Variants in ZAN observed in about 807,000 individuals in gnomAD.
ZAN encodes the protein zonadhesin (gene/pseudogene).
Under a neutral mutation model 286.2 loss-of-function variants are expected in ZAN, and 260 were observed. That is an observed-to-expected ratio of 0.91 (90% CI 0.82 to 1.01). The LOEUF (loss-of-function observed/expected upper bound fraction) is 1.01, where lower values mean the gene tolerates loss of function less well. Among genes scored for constraint, ZAN ranks in the 50% least tolerant of loss-of-function variants. ZAN has a pLI of 0.00. For synonymous variants in ZAN, 1,368 were observed against 1,417.5 expected (o/e 0.97, Z 0.79); for missense variants, 3,410 against 3,639.2 (o/e 0.94, Z 1.62).
At chr7:100,774,647 G>T (rs1381918149) in intron 31 of ZAN, among the ~76,000 whole-genome samples, 1 of 152,064 alleles carries the variant, frequency 6.6e-6, no homozygotes, top group Non-Finnish European at 1.5e-5. Flanking sequence ...AACAGAACAA[G>T]ACCCTGTCTC....
intron 17 of ZAN, among the ~76,000 whole-genome samples, chr7:100,758,921 G>GA (rs3215396): frequency 1.4e-3 from 204 of 149,258 alleles, no homozygotes; most frequent in African/African-American, 4.2e-3. Context: ...TCATCTCCAT[G>GA]AAAAAAAAAA....
At chr7:100,788,767 A>T (rs314334) in intron 38 of ZAN, among the ~76,000 whole-genome samples, 2 of 151,750 alleles carry the variant, frequency 1.3e-5, no homozygotes, top group African/African-American at 2.4e-5. Flanking sequence ...GGCACCATCT[A>T]GGCTCACTGC....
At position 100,784,621 on chromosome 7, in the gene ZAN, A is replaced by C. The variant is rs1339011498; in HGVS notation, c.6623-2A>C. ...CTGACCCACTGTCTCCTTCACCCAC[A>C]GCTCTGGAATGCCCTGCCTACAGCA... On this transcript the variant is annotated splice_acceptor_variant, in intron 35 of 47. Transcript: ENST00000613979. LOFTEE classifies it high-confidence loss of function. 6.2e-7 allele frequency: 1 copy of C among 1,613,378 alleles called. No individual in the cohort carries two copies. The highest frequency in any genetic ancestry group is 1.7e-5 in the Admixed American group (1 of 59,966).
chr7:100,770,390 GC>G (rs1046651266), intron 28 of ZAN, among the ~76,000 whole-genome samples: 15 of 150,700 alleles, frequency 1.0e-4, no homozygotes, highest in Non-Finnish European at 2.2e-4. Context: ...TGTAGTCCCA[GC>G]TACTTGGGAG....
rs1562931211 is a variant in ZAN at position 100,758,648 on chromosome 7, C to T, written c.3569C>T (p.Thr1190Ile). 1 of 1,553,214 alleles carries T rather than the reference C, an allele frequency of 6.4e-7. No individual in the cohort carries two copies. Among genetic ancestry groups the T allele is most frequent in the South Asian group, 1.2e-5 (1 of 84,124 alleles). The change falls in exon 17 of 48, where the codon ACA becomes ATA. Residue 1190 changes from threonine (T) to isoleucine (I), a missense_variant and splice_region_variant. By Grantham distance (89) the Thr-to-Ile change is moderately conservative (BLOSUM62 -1). Transcript: ENST00000613979. Reference sequence around the variant, plus strand: ...TTGGCCCAGCCCTGTGGCAACTCAACAGGTAGGCCCTGGAGATGCCACTGC... The same window carrying T: ...TTGGCCCAGCCCTGTGGCAACTCAATAGGTAGGCCCTGGAGATGCCACTGC... ...YILAQPCGNSTDPFFRVTAKN... is the reference protein window; with the variant it reads ...YILAQPCGNSIDPFFRVTAKN...
chr7:100,746,452 A>C, intron 7 of ZAN, 86 bp from the exon 8 acceptor site: 1 of 1,502,926 alleles, frequency 6.7e-7, no homozygotes, highest in South Asian at 1.3e-5. Context: ...CCCAGAGACA[A>C]GTCCACAGCC....
intron 29 of ZAN, among the ~76,000 whole-genome samples, 189 bp downstream of exon 29, chr7:100,772,209 A>G (rs1327385405): frequency 1.3e-5 from 2 of 150,918 alleles, no homozygotes; most frequent in African/African-American, 4.9e-5. Context: ...AGATGGGTGA[A>G]TCACCTGAGG....
Position 100,773,435 on chromosome 7 carries a change from C to G in ZAN, c.5576C>G (p.Thr1859Ser). Residue 1859 changes from threonine (T) to serine (S), a missense_variant, in exon 30 of 48, where the codon ACC (threonine) becomes AGC (serine). Physicochemically the swap from Thr to Ser is moderately conservative, Grantham distance 58. Transcript: ENST00000613979. Reference sequence around the variant, plus strand: ...CAGAAAGGCCACATCTTGAGTGGAACCTCCTGCGTGCCCCTTGGCCAGTGT... The same window carrying G: ...CAGAAAGGCCACATCTTGAGTGGAAGCTCCTGCGTGCCCCTTGGCCAGTGT... ...ECQKGHILSG[T>S]SCVPLGQCGC... The G allele has an allele frequency of 6.2e-7, 1 of 1,614,018 alleles. No individual in the cohort carries two copies. Among genetic ancestry groups the G allele is most frequent in the Non-Finnish European group, 8.5e-7 (1 of 1,179,908 alleles).
chr7:100,785,723 A>T (rs1811519194), intron 36 of ZAN, among the ~76,000 whole-genome samples: 1 of 148,666 alleles, frequency 6.7e-6, no homozygotes, highest in Non-Finnish European at 1.5e-5. Flanking sequence ...CAGTGGTGCG[A>T]TCTTGGCTCA....
At position 100,750,788 on chromosome 7, in the gene ZAN, T is replaced by C. The variant is rs1048704587; in HGVS notation, c.1413T>C (p.Ser471=). The C allele has an allele frequency of 6.8e-6, 11 of 1,611,274 alleles. No individual in the cohort carries two copies. The highest frequency in any genetic ancestry group is 9.3e-6 in the Non-Finnish European group (11 of 1,178,194). ...CTATGCTCGAACTCCTCCTGGGAAGTCCTGCGGGGAGTCCCCCGATTCCTC... is the reference window on the plus strand; with the variant it reads ...CTATGCTCGAACTCCTCCTGGGAAGCCCTGCGGGGAGTCCCCCGATTCCTC... ...EGTMLELLLG[S]PAGSPPIPLW... is the part of the protein sequence containing the mutation. The change falls in exon 12 of 48, where the codon AGT becomes AGC. Residue 471 remains serine, a synonymous_variant. Transcript: ENST00000613979.
At chr7:100,775,151 A>G (rs1160978069) in intron 31 of ZAN, among the ~76,000 whole-genome samples, 177 bp from the exon 32 acceptor site, 1 of 152,066 alleles carries the variant, frequency 6.6e-6, no homozygotes, top group Non-Finnish European at 1.5e-5. Context: ...GCTGGTATCA[A>G]ACCAGCCCAC....
At chr7:100,779,072 G>A (rs1347422256) in intron 34 of ZAN, among the ~76,000 whole-genome samples, 2 of 151,790 alleles carry the variant, frequency 1.3e-5, no homozygotes, top group African/African-American at 4.8e-5. Context: ...GCATGGTGCC[G>A]GGTGGCTGTA....
chr7:100,753,213 C>G lies in ZAN; in HGVS notation c.3108C>G (p.Thr1036=). ...GTGTGATTCTGGGCACTACCACAACCTCCAGATCCAGTACAGGTATGAGGT... is the reference window on the plus strand; with the variant it reads ...GTGTGATTCTGGGCACTACCACAACGTCCAGATCCAGTACAGGTATGAGGT... ...MTSVILGTTT[T]SRSSTERCPP... The change falls in exon 14 of 48, where the codon ACC becomes ACG. Residue 1036 remains threonine, a synonymous_variant. Coordinates refer to ENST00000613979, the MANE Select transcript of ZAN (RefSeq NM_003386.3). The G allele has an allele frequency of 6.3e-7, 1 of 1,599,836 alleles. No individual in the cohort carries two copies. Among genetic ancestry groups the G allele is most frequent in the Non-Finnish European group, 8.5e-7 (1 of 1,172,618 alleles).
chr7:100,794,407 G>C, intron 44 of ZAN, 149 bp downstream of exon 44: 1 of 1,332,050 alleles, frequency 7.5e-7, no homozygotes, highest in Non-Finnish European at 1.0e-6. Context: ...AAAGGACAAA[G>C]ATCTCCCGAT....
At chr7:100,739,521 A>C (rs1807593475) in intron 7 of ZAN, among the ~76,000 whole-genome samples, 1 of 135,652 alleles carries the variant, frequency 7.4e-6, no homozygotes. Flanking sequence ...AGCCAAGTGC[A>C]CTGGCTCACG....
rs1295511913 is a variant in ZAN at position 100,792,081 on chromosome 7, G to T, written c.7645G>T (p.Val2549Leu). The part of the protein sequence containing the change: ...LASNSTQACR[V>L]LADPQGPFAA... ...GAGCAACAGCACCCAGGCCTGTAGG[G>T]TGCTGGCAGACCCCCAGGGCCCCTT... The change falls in exon 41 of 48, where the codon GTG becomes TTG. Residue 2549 changes from valine (V) to leucine (L), a missense_variant. This residue lies in a region of ZAN where 1,289 missense variants were observed against 1,314.3 expected (regional missense o/e 0.98). Transcript: ENST00000613979. 1 of 1,613,004 alleles carries T rather than the reference G, an allele frequency of 6.2e-7. No homozygotes were observed. Among genetic ancestry groups the T allele is most frequent in the Non-Finnish European group, 8.5e-7 (1 of 1,179,796 alleles).
At chr7:100,740,973 C>CA (rs1314409520) in intron 7 of ZAN, among the ~76,000 whole-genome samples, 2 of 9,762 alleles carry the variant, frequency 2.0e-4, no homozygotes, top group Non-Finnish European at 1.4e-4. Context: ...GCTGGCCGGT[C>CA]GGGGGGCTGA....
chr7:100,738,573 G>C lies in ZAN; in HGVS notation c.726G>C (p.Lys242Asn). 6.6e-7 allele frequency: 1 copy of C among 1,517,632 alleles called. No homozygotes were observed. The highest frequency in any genetic ancestry group is 9.0e-7 in the Non-Finnish European group (1 of 1,105,016). The allele number at this position is 1,517,632 out of a possible 1,614,324, so 94.0% of individuals were successfully genotyped here. Residue 242 changes from lysine (K) to asparagine (N), a missense_variant, in exon 7 of 48, where the codon AAG becomes AAC. Around this residue, in one of 7 missense-constraint regions of ZAN, gnomAD observed 872 missense variants for 938.9 expected, o/e 0.93. Transcript: ENST00000613979. ...KWTQKKGSSG[K>N]PGVGPDGDFS... ...CTCAGAAGAAAGGGTCATCAGGAAA[G>C]CCAGGCGTGGGGCCTGATGGCGACT... is the stretch of plus-strand genomic sequence containing the variant.
rs758693358 is a variant in ZAN at position 100,773,352 on chromosome 7, C to T, written c.5493C>T (p.Ser1831=). ...GCCCCTGCCCAGACACCTGCAGCAG[C>T]ATAAACAACCCGAGGGACTGCCCCA... ...CSSPCPDTCS[S]INNPRDCPKA... Residue 1831 remains serine, a synonymous_variant, in exon 30 of 48, where the codon AGC becomes AGT. Transcript: ENST00000613979. 39 of 1,613,872 alleles carry T rather than the reference C, an allele frequency of 2.4e-5. No individual in the cohort carries two copies. The highest frequency in any genetic ancestry group is 3.1e-5 in the Non-Finnish European group (37 of 1,179,902).
Sources: gnomAD v4.1 joint callset for allele counts (sites outside exome capture counted in the v4.1 genomes callset) on GRCh38, gnomAD v4.1.1 for gene constraint, gnomAD v4.1.1 regional missense constraint, MANE v1.5 for transcripts, NCBI Gene and HGNC (gene_info 2026-07-23, HGNC 2026-07-21) for gene names.